The following FIBCD1 variants were observed in gnomAD, a reference collection of about 807,000 sequenced individuals.
The protein encoded by FIBCD1 is fibrinogen C domain-containing protein 1.
A neutral mutation model predicts 45.1 loss-of-function variants in FIBCD1; 47 were observed. That is an observed-to-expected ratio of 1.04 (90% CI 0.82 to 1.33). The LOEUF (loss-of-function observed/expected upper bound fraction) is 1.33, where lower values mean the gene tolerates loss of function less well. Ranked by LOEUF, FIBCD1 falls within the 40% of genes most tolerant of loss-of-function variation. The pLI, the probability that FIBCD1 is intolerant of heterozygous loss-of-function variation, is 0.00. For synonymous variants in FIBCD1, 313 were observed against 308.1 expected, an observed-to-expected ratio of 1.02 and a Z score of -0.17; for missense variants, 653 against 682.2, an observed-to-expected ratio of 0.96 and a Z score of 0.48.
At chr9:130,920,577 C>T (rs1453210291) in intron 4 of FIBCD1, among the ~76,000 whole-genome samples, 1 of 152,132 alleles carries the variant, frequency 6.6e-6, no homozygotes, top group African/African-American at 2.4e-5. Context: ...AACATGGCCA[C>T]AGGAGGGTGT....
At chr9:130,928,390 C>T (rs1425873555) in intron 2 of FIBCD1, among the ~76,000 whole-genome samples, 1 of 151,148 alleles carries the variant, frequency 6.6e-6, no homozygotes, top group Non-Finnish European at 1.5e-5. Context: ...GGTGGGGGTC[C>T]CAGGTCAGCC....
intron 4 of FIBCD1, among the ~76,000 whole-genome samples, chr9:130,920,390 G>A (rs1832241413): frequency 6.6e-6 from 1 of 152,298 alleles, no homozygotes; most frequent in South Asian, 2.1e-4. Context: ...AGCAGCCTGT[G>A]AAGGGTTCTG....
At chr9:130,940,709 T>C (rs1452067710), upstream of FIBCD1, among the ~76,000 whole-genome samples, 2 of 152,226 alleles carry the variant, frequency 1.3e-5, no homozygotes, top group Non-Finnish European at 2.9e-5. Flanking sequence ...CAGATGTTCC[T>C]GCTGTGACCT....
rs536135959 is a variant in FIBCD1, at chr9:130,929,670, C to G, written c.449G>C (p.Arg150Pro). The G allele has an allele frequency of 1.9e-6, 3 of 1,602,206 alleles. No homozygotes were observed. Among genetic ancestry groups the G allele is most frequent in the Non-Finnish European group, 2.6e-6 (3 of 1,175,318 alleles). The change falls in exon 2 of 7, where the codon CGA (arginine) becomes CCA (proline). Residue 150 changes from arginine (R) to proline (P), a missense_variant. By Grantham distance (103) the Arg-to-Pro change is moderately radical. Coordinates refer to ENST00000372338, the MANE Select transcript of FIBCD1 (RefSeq NM_032843.5). ...LADQLPRLLA[R>P]ASELQTECMG... ...GCACTCCGTCTGCAGCTCTGAGGCT[C>G]GGGCCAGCAGCCGGGGCAGCTGGTC...
rs187905676 is a variant in FIBCD1 at position 130,937,437 on chromosome 9, G to C, written c.72+1099C>G. Among the ~76,000 whole-genome samples the C allele has an allele frequency of 2.0e-5, 3 of 152,258 alleles. No homozygotes were observed. In the East Asian group the frequency reaches 5.8e-4, roughly 29 times the overall value. ...CTGTTTGGAGAAGTGAGGTAGTGCC[G>C]ATGAATGGGAAGGGGCTTTGCAAAC... On this transcript the variant is annotated intron_variant, in intron 1 of 6. Transcript: ENST00000372338.
rs939536443 is a variant in FIBCD1, at chr9:130,933,135, C to T, written c.73-3089G>A. Among the ~76,000 whole-genome samples, 3 of 152,320 alleles carry T rather than the reference C, an allele frequency of 2.0e-5. No individual in the cohort carries two copies. The East Asian group carries it at 5.8e-4, about 29-fold the overall frequency. ...AGGGGGTCCCCTAGAGGCAGGGGGA[C>T]AGCGGAGCTTGGAGATGAAACAGGG... On this transcript the variant is annotated intron_variant, in intron 1 of 6. Coordinates refer to ENST00000372338, the MANE Select transcript of FIBCD1 (RefSeq NM_032843.5).
chr9:130,924,923 G>A (rs556974933), intron 2 of FIBCD1, among the ~76,000 whole-genome samples: 1 of 152,258 alleles, frequency 6.6e-6, no homozygotes, highest in South Asian at 2.1e-4. Flanking sequence ...AGGACCGGCC[G>A]GGTACTCAGC....
At position 130,926,331 on chromosome 9, in the gene FIBCD1, A is replaced by C. The variant is rs1832358897; in HGVS notation, c.553-1935T>G. 6.6e-6 allele frequency among the ~76,000 whole-genome samples: 1 copy of C among 152,202 alleles called. No individual in the cohort carries two copies. Among genetic ancestry groups the C allele is most frequent in the African/African-American group, 2.4e-5 (1 of 41,446 alleles). ...AACCAGCAGATGATTAAAGTTGAAA[A>C]TGTACATATAAACATGCCCCGAATT... is the stretch of plus-strand genomic sequence containing the variant. On this transcript the variant is annotated intron_variant, in intron 2 of 6. Coordinates refer to ENST00000372338, the MANE Select transcript of FIBCD1 (RefSeq NM_032843.5). The surrounding 1 kb of genome is among the most constrained non-coding windows in gnomAD (Gnocchi z 4.1).
In FIBCD1 at chr9:130,923,907, G is replaced by A. The variant is rs116463342; in HGVS notation, c.713-27C>T. 8.3e-4 allele frequency: 1,333 copies of A among 1,611,414 alleles called. 19 individuals are homozygous for A. The African/African-American group carries it at 0.016, about 20-fold the overall frequency. On this transcript the variant is annotated intron_variant, in intron 3 of 6. Transcript: ENST00000372338. ...TGAGGGAGGCAAGGCTGTCAGGGTG[G>A]CTGCGGCCCCAGCACGTTCCTGCCC...
rs1831855425 is a variant in FIBCD1 at position 130,902,634 on chromosome 9, C to G, written c.*1430G>C. ...TCCTTTGGAGGAAGCCACCTCCCCTCCTGCCCGAGGAGAGGCTGCTAGGCA... is the reference window on the plus strand; with the variant it reads ...TCCTTTGGAGGAAGCCACCTCCCCTGCTGCCCGAGGAGAGGCTGCTAGGCA... On this transcript the variant is annotated 3_prime_UTR_variant, in exon 7 of 7. Coordinates refer to ENST00000372338, the MANE Select transcript of FIBCD1 (RefSeq NM_032843.5). 1 of 152,274 alleles carries G rather than the reference C, an allele frequency of 6.6e-6. No homozygotes were observed. Among genetic ancestry groups the G allele is most frequent in the African/African-American group, 2.4e-5 (1 of 41,466 alleles). The allele number at this position is 152,274 out of a possible 1,614,324, so 9.4% of individuals were successfully genotyped here.
At chr9:130,909,268 C>T (rs1332608694) in intron 5 of FIBCD1, among the ~76,000 whole-genome samples, 9 of 151,952 alleles carry the variant, frequency 5.9e-5, no homozygotes, top group Admixed American at 3.9e-4. Context: ...CCCCCTCCGC[C>T]GCCCCTCGCC....
chr9:130,905,296 A>T lies in FIBCD1; in HGVS notation c.1064T>A (p.Phe355Tyr). 6.2e-7 allele frequency: 1 copy of T among 1,614,042 alleles called. No individual in the cohort carries two copies. Among genetic ancestry groups the T allele is most frequent in the Non-Finnish European group, 8.5e-7 (1 of 1,180,028 alleles). ...ARYGSFGVGLFSVDPEEDGYP... is the reference protein window; with the variant it reads ...ARYGSFGVGLYSVDPEEDGYP... ...CCCGTCTTCCTCAGGGTCCACGGAG[A>T]ACAAGCCCACGCCGAAGCTCCCGTA... The change falls in exon 6 of 7, where the codon TTC (phenylalanine) becomes TAC (tyrosine). Residue 355 changes from phenylalanine (F) to tyrosine (Y), a missense_variant. Transcript: ENST00000372338.
intron 4 of FIBCD1, among the ~76,000 whole-genome samples, chr9:130,917,555 T>C (rs1324688807): frequency 2.0e-5 from 3 of 152,198 alleles, no homozygotes; most frequent in African/African-American, 7.2e-5. Flanking sequence ...GAGGCGGAGA[T>C]GCCTCTGGGC....
chr9:130,940,629 A>G (rs527519220), upstream of FIBCD1, among the ~76,000 whole-genome samples: 5 of 152,332 alleles, frequency 3.3e-5, no homozygotes, highest in Admixed American at 3.3e-4. Flanking sequence ...ATGTAAGCCA[A>G]AGGGTTGACT....
chr9:130,908,512 C>G (rs1010079186), intron 5 of FIBCD1, among the ~76,000 whole-genome samples: 2 of 152,192 alleles, frequency 1.3e-5, no homozygotes, highest in African/African-American at 4.8e-5. Context: ...TTCCACCCAC[C>G]AGGTTCGGGG....
chr9:130,938,292 G>A (rs1588115352), intron 1 of FIBCD1: 1 of 411,310 alleles, frequency 2.4e-6, no homozygotes, highest in Non-Finnish European at 4.4e-6. Flanking sequence ...GGGGGTGCGG[G>A]GACGCGGGAG....
intron 3 of FIBCD1, among the ~76,000 whole-genome samples, 178 bp from the exon 4 acceptor site, chr9:130,924,058 C>G (rs1588110602): frequency 6.6e-6 from 1 of 152,220 alleles, no homozygotes; most frequent in East Asian, 1.9e-4. Flanking sequence ...GAGAGAATCA[C>G]CCTCTCTGGG....
chr9:130,916,209 G>C (rs570554375), intron 4 of FIBCD1, among the ~76,000 whole-genome samples: 1 of 152,358 alleles, frequency 6.6e-6, no homozygotes, highest in East Asian at 1.9e-4. Context: ...GATTATAGGC[G>C]TGAGCCACCG....
chr9:130,914,728 C>G (rs1159321336), intron 4 of FIBCD1, among the ~76,000 whole-genome samples: 2 of 152,162 alleles, frequency 1.3e-5, no homozygotes, highest in African/African-American at 4.8e-5. Context: ...AGCGCTCACT[C>G]CCACCACTGG....
Sources: allele counts gnomAD v4.1 joint callset (sites outside exome capture counted in the v4.1 genomes callset), GRCh38; gene constraint gnomAD v4.1.1; non-coding constraint Gnocchi (gnomAD v3.1); transcripts MANE v1.5; gene names NCBI Gene and HGNC (gene_info 2026-07-23, HGNC 2026-07-21).